The following LAMA4 variants were observed in gnomAD, a reference collection of about 807,000 sequenced individuals.
The protein encoded by LAMA4 is laminin subunit alpha-4.
Under a neutral mutation model 207.1 loss-of-function variants are expected in LAMA4, and 127 were observed. The ratio of observed to expected loss-of-function variants is 0.61; its 90% confidence interval spans 0.53 to 0.71. The LOEUF is 0.71. LAMA4 is among the 30% of genes least tolerant of loss of function. The probability of loss-of-function intolerance (pLI) is 0.00; values close to 1 mark genes in which losing one functional copy is unlikely to be tolerated. For synonymous variants in LAMA4, 761 were observed against 816.0 expected, an observed-to-expected ratio of 0.93 and a Z score of 1.15; for missense variants, 2,093 against 2,246.5, an observed-to-expected ratio of 0.93 and a Z score of 1.38.
At chr6:112,152,694 T>A (rs1780469306) in intron 16 of LAMA4, among the ~76,000 whole-genome samples, 2 of 152,078 alleles carry the variant, frequency 1.3e-5, no homozygotes, top group African/African-American at 4.8e-5. Context: ...ATGTGATTGG[T>A]TTAATGTTAT....
rs782258736 is a variant in LAMA4 at position 112,140,889 on chromosome 6, G to A, written c.2847C>T (p.Val949=). ...CCTCTGCTGTGCTACTTAGACTCGG[G>A]ACTGTTAAAAACACCTTTCCATGTT... ...VGKHGKVFLT[V]PSLSSTAEEK... Residue 949 remains valine, a synonymous_variant, in exon 22 of 39, where the codon GTC becomes GTT. Transcript: ENST00000230538. 2.5e-6 allele frequency: 4 copies of A among 1,613,654 alleles called. No individual in the cohort carries two copies. Among genetic ancestry groups the A allele is most frequent in the Non-Finnish European group, 3.4e-6 (4 of 1,179,742 alleles).
intron 4 of LAMA4, among the ~76,000 whole-genome samples, chr6:112,205,254 C>T (rs1783991892): frequency 6.6e-6 from 1 of 152,166 alleles, no homozygotes; most frequent in Non-Finnish European, 1.5e-5. Context: ...CAACATCTAC[C>T]TTATGCCTTT....
Position 112,144,817 on chromosome 6 carries a change from G to A in LAMA4, c.2470C>T (p.Gln824Ter). Reference sequence around the variant, plus strand: ...ACCTTGCTGGCAACACTTCTGGTCTGAGCAATGAGCTCTCGGATCCTCTGG... The same window carrying A: ...ACCTTGCTGGCAACACTTCTGGTCTAAGCAATGAGCTCTCGGATCCTCTGG... The part of the protein sequence containing the change: ...SIQRIRELIA[Q>*]TRSVASKIQV... The change falls in exon 19 of 39, where the codon CAG becomes TAG. Residue 824 changes from glutamine to a stop codon, truncating the protein, a stop_gained. Coordinates refer to ENST00000230538, the MANE Select transcript of LAMA4 (RefSeq NM_001105206.3). LOFTEE classifies it high-confidence loss of function. 6.2e-7 allele frequency: 1 copy of A among 1,613,688 alleles called. No individual in the cohort carries two copies. Among genetic ancestry groups the A allele is most frequent in the Non-Finnish European group, 8.5e-7 (1 of 1,180,012 alleles).
rs782627360 is a variant in LAMA4 at position 112,185,316 on chromosome 6, G to A, written c.998C>T (p.Ala333Val). The change falls in exon 9 of 39, where the codon GCC (alanine) becomes GTC (valine). Residue 333 changes from alanine to valine, a missense_variant. By Grantham distance (64) the Ala-to-Val change is moderately conservative. Transcript: ENST00000230538. ...TKLSERENQY[A>V]LRKIQINNAE... ...ATTGTTGATTTGTATCTTTCTTAGG[G>A]CGTATTGGTTTTCTCTTTCTGACAA... 5.0e-6 allele frequency: 8 copies of A among 1,612,802 alleles called. No homozygotes were observed. The highest frequency in any genetic ancestry group is 4.0e-5 in the African/African-American group (3 of 74,882).
chr6:112,140,819 G>C lies in LAMA4; in HGVS notation c.2917C>G (p.Leu973Val), dbSNP rs1554332949. 1 of 1,614,036 alleles carries C rather than the reference G, an allele frequency of 6.2e-7. No individual in the cohort carries two copies. The highest frequency in any genetic ancestry group is 8.5e-7 in the Non-Finnish European group (1 of 1,179,938). Residue 973 changes from leucine (L) to valine (V), a missense_variant, in exon 22 of 39, where the codon CTG becomes GTG. Around this residue, in one of 3 missense-constraint regions of LAMA4, gnomAD observed 1,704 missense variants for 1,788.4 expected, o/e 0.95. Coordinates refer to ENST00000230538, the MANE Select transcript of LAMA4 (RefSeq NM_001105206.3). ...KGEFSGDDSL[L>V]DLDPEDTVFY... The stretch of plus-strand genomic sequence containing the variant: ...ACTGTGTCCTCAGGGTCCAGGTCCA[G>C]CAGAGAGTCATCTCCCGAAAATTCC...
chr6:112,128,788 A>G lies in LAMA4; in HGVS notation c.4287+134T>C, dbSNP rs1778850323. 12 of 712,276 alleles carry G rather than the reference A, an allele frequency of 1.7e-5. No homozygotes were observed. In the South Asian group the frequency reaches 2.1e-4, roughly 13 times the overall value. The allele number at this position is 712,276 out of a possible 1,614,324, so 44.1% of individuals were successfully genotyped here. On this transcript the variant is annotated intron_variant, in intron 31 of 38. Coordinates refer to ENST00000230538, the MANE Select transcript of LAMA4 (RefSeq NM_001105206.3). ...CAAATCTGGTAAACTAGAATATGTGATACTGCAAGAATCCCATCTTTCCTA... is the reference window on the plus strand; with the variant it reads ...CAAATCTGGTAAACTAGAATATGTGGTACTGCAAGAATCCCATCTTTCCTA...
At chr6:112,253,430 C>A (rs1299350650) in intron 2 of LAMA4, 1 of 321,632 alleles carries the variant, frequency 3.1e-6, no homozygotes, top group South Asian at 3.0e-5. Flanking sequence ...CTTAAGATAC[C>A]CTCTCAGCAG....
chr6:112,172,208 G>C, intron 12 of LAMA4: 1 of 244,570 alleles, frequency 4.1e-6, no homozygotes, highest in Non-Finnish European at 8.1e-6. Flanking sequence ...CCCTGCAGCT[G>C]CTGACCAGCC....
chr6:112,181,880 C>T (rs192756751), intron 9 of LAMA4, among the ~76,000 whole-genome samples: 28 of 152,148 alleles, frequency 1.8e-4, no homozygotes, highest in East Asian at 1.2e-3. Context: ...GGGTGGATCA[C>T]GAGGTCAGGA....
At chr6:112,175,548 G>T in intron 10 of LAMA4, 68 bp from the exon 11 acceptor site, 1 of 1,528,210 alleles carries the variant, frequency 6.5e-7, no homozygotes, top group Non-Finnish European at 9.0e-7. Context: ...ATGCAAGGGA[G>T]CAAGGGCTGT....
chr6:112,191,959 C>T, intron 5 of LAMA4, 109 bp from the exon 6 acceptor site: 1 of 946,798 alleles, frequency 1.1e-6, no homozygotes, highest in Non-Finnish European at 1.7e-6. Flanking sequence ...TGATTTCCCT[C>T]CCAGAATTCA....
chr6:112,212,736 T>G (rs17073584), intron 3 of LAMA4, among the ~76,000 whole-genome samples: 5,430 of 152,316 alleles, frequency 0.036, 315 homozygotes, highest in African/African-American at 0.12. Flanking sequence ...GAAAGGATTA[T>G]GCACTTGATC....
At chr6:112,190,069 T>C (rs1782926434) in intron 6 of LAMA4, among the ~76,000 whole-genome samples, 1 of 152,236 alleles carries the variant, frequency 6.6e-6, no homozygotes, top group African/African-American at 2.4e-5. Flanking sequence ...ATCTATTTAT[T>C]ACATTTCATC....
intron 18 of LAMA4, 49 bp from the exon 19 acceptor site, chr6:112,144,982 T>C (rs1554334197): frequency 6.7e-7 from 1 of 1,491,330 alleles, no homozygotes; most frequent in Non-Finnish European, 9.2e-7. Context: ...CAATATTATA[T>C]TTCAAGAATC....
At chr6:112,173,981 A>G (rs1407267519) in intron 11 of LAMA4, among the ~76,000 whole-genome samples, 2 of 152,254 alleles carry the variant, frequency 1.3e-5, no homozygotes, top group African/African-American at 4.8e-5. Context: ...CTTAACTAAC[A>G]AGATCTAAAG....
At chr6:112,195,623 T>C (rs1177259544) in intron 5 of LAMA4, among the ~76,000 whole-genome samples, 2 of 152,188 alleles carry the variant, frequency 1.3e-5, no homozygotes, top group East Asian at 3.8e-4. Context: ...TAAGTCACTT[T>C]GGATTTGCTT....
chr6:112,187,021 G>T, intron 8 of LAMA4: 1 of 395,398 alleles, frequency 2.5e-6, no homozygotes. Context: ...GGGGTGAGGA[G>T]AGACAGAGAA....
chr6:112,192,245 T>C (rs1429756957), intron 5 of LAMA4, among the ~76,000 whole-genome samples: 1 of 152,230 alleles, frequency 6.6e-6, no homozygotes, highest in Non-Finnish European at 1.5e-5. Context: ...ATAGCACCTC[T>C]ATTGAGAAAC....
At chr6:112,187,698 C>A (rs971287125) in intron 7 of LAMA4, 97 bp from the exon 8 acceptor site, 143 of 1,221,420 alleles carry the variant, frequency 1.2e-4, no homozygotes, top group Non-Finnish European at 1.5e-4. Context: ...TGGTTAATAC[C>A]ATTTTTATTT....
Sources: gnomAD v4.1 joint callset for allele counts (sites outside exome capture counted in the v4.1 genomes callset) on GRCh38, gnomAD v4.1.1 for gene constraint, gnomAD v4.1.1 regional missense constraint, MANE v1.5 for transcripts, NCBI Gene and HGNC (gene_info 2026-07-23, HGNC 2026-07-21) for gene names.